ASIC2: variants seen among roughly 807,000 people sequenced by gnomAD.
The protein encoded by ASIC2 is acid-sensing ion channel 2.
A neutral mutation model predicts 57.3 loss-of-function variants in ASIC2; 25 were observed. The observed-to-expected ratio is 0.44, with a 90% CI of 0.32 to 0.61. ASIC2 has a LOEUF of 0.61. Among genes scored for constraint, ASIC2 ranks in the 20% least tolerant of loss-of-function variants. The pLI, the probability that ASIC2 is intolerant of heterozygous loss-of-function variation, is 0.06. For missense variants in ASIC2, 641 were observed against 738.1 expected (o/e 0.87, Z 1.52); for synonymous variants, 319 against 307.5 (o/e 1.04, Z -0.39).
intron 3 of ASIC2, among the ~76,000 whole-genome samples, chr17:33,036,534 G>C (rs1221112741): frequency 6.6e-6 from 1 of 152,070 alleles, no homozygotes; most frequent in African/African-American, 2.4e-5. Flanking sequence ...GGACTCAAGC[G>C]ATCTTCCCGC....
chr17:33,464,495 T>TCTTC (rs1912760000), intron 1 of ASIC2, among the ~76,000 whole-genome samples: 1 of 39,052 alleles, frequency 2.6e-5, no homozygotes, highest in Admixed American at 2.1e-4. Flanking sequence ...TTTCTTTCTT[T>TCTTC]CTTTCTTTCT....
intron 1 of ASIC2, among the ~76,000 whole-genome samples, chr17:33,526,184 G>C (rs999268999): frequency 6.6e-6 from 1 of 152,152 alleles, no homozygotes; most frequent in Non-Finnish European, 1.5e-5. Flanking sequence ...TTTGAAAGTG[G>C]AGGGTACCCA....
At chr17:33,047,196 G>C (rs557565211) in intron 3 of ASIC2, among the ~76,000 whole-genome samples, 1 of 152,316 alleles carries the variant, frequency 6.6e-6, no homozygotes, top group African/African-American at 2.4e-5. Flanking sequence ...TGAAATCTGG[G>C]ATCCAAACTT....
chr17:33,092,194 C>A (rs1250283987), intron 2 of ASIC2, among the ~76,000 whole-genome samples: 1 of 152,214 alleles, frequency 6.6e-6, no homozygotes, highest in Non-Finnish European at 1.5e-5. Flanking sequence ...GATCCTCTAC[C>A]CTGCTTTCCC....
intron 1 of ASIC2, among the ~76,000 whole-genome samples, chr17:33,482,974 A>T (rs1448733789): frequency 6.6e-6 from 1 of 152,202 alleles, no homozygotes; most frequent in African/African-American, 2.4e-5. Context: ...TGCTCACATG[A>T]CTAAAAATAA....
intron 1 of ASIC2, among the ~76,000 whole-genome samples, chr17:33,584,002 C>T (rs1029328681): frequency 2.0e-5 from 3 of 152,178 alleles, no homozygotes; most frequent in Non-Finnish European, 4.4e-5. Context: ...GCCAGAGCTA[C>T]AGGCCTTTTG....
chr17:34,074,782 CTTTTT>C (rs35010578), intron 1 of ASIC2, among the ~76,000 whole-genome samples: 3 of 113,926 alleles, frequency 2.6e-5, no homozygotes, highest in East Asian at 5.3e-4. Flanking sequence ...TTCTTTCTTT[CTTTTT>C]TTTTTTTTTT....
chr17:34,001,970 T>G (rs554505596), intron 1 of ASIC2: 2 of 152,246 alleles, frequency 1.3e-5, no homozygotes, highest in African/African-American at 4.8e-5. Context: ...GGTTTTACTT[T>G]TATTTATTAA....
chr17:34,090,518 G>T (rs1393740300), intron 1 of ASIC2, among the ~76,000 whole-genome samples: 1 of 152,162 alleles, frequency 6.6e-6, no homozygotes, highest in Non-Finnish European at 1.5e-5. Context: ...CAAAAGTGTA[G>T]AGTTGGAACC....
At chr17:33,344,591 G>T (rs1205060763) in intron 1 of ASIC2, among the ~76,000 whole-genome samples, 1 of 152,116 alleles carries the variant, frequency 6.6e-6, no homozygotes, top group Non-Finnish European at 1.5e-5. Context: ...TGTAAACTGA[G>T]GCTAAAAAGT....
intron 1 of ASIC2, among the ~76,000 whole-genome samples, chr17:34,112,445 C>T (rs866638458): frequency 8.1e-5 from 12 of 148,584 alleles, no homozygotes; most frequent in South Asian, 4.2e-4. Flanking sequence ...GATTTTCAGA[C>T]GCAAGACAGG....
At chr17:33,592,267 G>T (rs895065046) in intron 1 of ASIC2, among the ~76,000 whole-genome samples, 3 of 152,212 alleles carry the variant, frequency 2.0e-5, no homozygotes, top group Non-Finnish European at 2.9e-5. Context: ...CTGTGTCCCA[G>T]TGCTGGCATT....
At chr17:33,252,654 T>C (rs1174172146) in intron 1 of ASIC2, among the ~76,000 whole-genome samples, 1 of 152,036 alleles carries the variant, frequency 6.6e-6, no homozygotes, top group Non-Finnish European at 1.5e-5. Flanking sequence ...TTCTTGGCCT[T>C]AGTTCTTGAA....
At chr17:33,537,239 T>C (rs1597773103) in intron 1 of ASIC2, among the ~76,000 whole-genome samples, 1 of 152,188 alleles carries the variant, frequency 6.6e-6, no homozygotes, top group Non-Finnish European at 1.5e-5. Context: ...TAGCTTGTTC[T>C]GGTGTCAGGG....
At chr17:33,752,547 C>T (rs781213332) in intron 1 of ASIC2, among the ~76,000 whole-genome samples, 18 of 152,232 alleles carry the variant, frequency 1.2e-4, no homozygotes, top group South Asian at 2.1e-4. Flanking sequence ...AAAAAATGGG[C>T]CAATGATCTT....
rs1347160743 is a variant in ASIC2 at position 33,172,009 on chromosome 17, A to G, written c.709-59942T>C. Among the ~76,000 whole-genome samples, 5 of 152,238 alleles carry G rather than the reference A, an allele frequency of 3.3e-5. No individual in the cohort carries two copies. In the East Asian group the frequency reaches 9.6e-4, roughly 29 times the overall value. ...GGCCCTCTCCCTTTTCACACTGGTC[A>G]GAACTGCGATGCTTATTTTCACTCT... On this transcript the variant is annotated intron_variant, in intron 1 of 9. Transcript: ENST00000225823.
intron 1 of ASIC2, among the ~76,000 whole-genome samples, chr17:33,443,301 G>A (rs570491826): frequency 2.6e-5 from 4 of 152,080 alleles, no homozygotes; most frequent in East Asian, 1.9e-4. Context: ...CTCCATTTCC[G>A]GAGCTTATGT....
At chr17:34,108,551 C>T (rs1003692950) in intron 1 of ASIC2, among the ~76,000 whole-genome samples, 2 of 152,014 alleles carry the variant, frequency 1.3e-5, no homozygotes, top group African/African-American at 2.4e-5. Flanking sequence ...ATGATATTTA[C>T]GTTATATGGT....
At chr17:33,375,150 C>T (rs1425516996) in intron 1 of ASIC2, among the ~76,000 whole-genome samples, 1 of 152,016 alleles carries the variant, frequency 6.6e-6, no homozygotes. Flanking sequence ...GAAAATTAGG[C>T]AGGTTAGGCA....
Sources: gnomAD v4.1 joint callset for allele counts (sites outside exome capture counted in the v4.1 genomes callset) on GRCh38, gnomAD v4.1.1 for gene constraint, MANE v1.5 for transcripts, NCBI Gene and HGNC (gene_info 2026-07-23, HGNC 2026-07-21) for gene names.